Variants in CFAP74 observed in about 807,000 individuals in gnomAD.
The protein encoded by CFAP74 is cilia- and flagella-associated protein 74.
A neutral mutation model predicts 188.9 loss-of-function variants in CFAP74; 124 were observed. The observed-to-expected ratio is 0.66, with a 90% confidence interval of 0.57 to 0.76. The LOEUF is 0.76. Among genes scored for constraint, CFAP74 ranks in the 30% least tolerant of loss-of-function variants. The pLI, the probability that CFAP74 is intolerant of heterozygous loss-of-function variation, is 0.00. For missense variants in CFAP74, 2,198 were observed against 2,165.2 expected (o/e 1.02, Z -0.30); for synonymous variants, 956 against 916.7 (o/e 1.04, Z -0.77).
At chr1:1,994,800 C>A (rs1407717344) in intron 1 of CFAP74, among the ~76,000 whole-genome samples, 3 of 152,178 alleles carry the variant, frequency 2.0e-5, no homozygotes, top group African/African-American at 7.2e-5. Context: ...CAGGCAGCCA[C>A]CTCTGATCTC....
In CFAP74 at chr1:1,946,857, T is replaced by C. The variant is rs532884697; in HGVS notation, c.2241+133A>G. The stretch of plus-strand genomic sequence containing the variant: ...GGCTGCAAGTCCCTGGTGGACAAAG[T>C]CTGGCCTGTCTCTGGTCAAACGCAA... On this transcript the variant is annotated intron_variant, in intron 19 of 38. Transcript: ENST00000682832. 1,319 of 704,122 alleles carry C rather than the reference T, an allele frequency of 1.9e-3. 2 individuals carry two copies. The highest frequency in any genetic ancestry group is 2.9e-3 in the Admixed American group (130 of 44,302). The allele number at this position is 704,122 out of a possible 1,614,324, so 43.6% of individuals were successfully genotyped here.
chr1:1,968,367 G>T lies in CFAP74; in HGVS notation c.1245+268C>A, dbSNP rs1178650059. Among the ~76,000 whole-genome samples the T allele has an allele frequency of 6.6e-6, 1 of 151,932 alleles. No homozygotes were observed. Among genetic ancestry groups the T allele is most frequent in the Non-Finnish European group, 1.5e-5 (1 of 67,960 alleles). The stretch of plus-strand genomic sequence containing the variant: ...AGCAACACTGCTGGGGGTGACGCAG[G>T]GTCTGGTGGGCACACCGAGACCAGG... On this transcript the variant is annotated intron_variant, in intron 11 of 38. Transcript: ENST00000682832. The surrounding 1 kb of genome is among the most constrained non-coding windows in gnomAD (Gnocchi z 4.3).
At chr1:1,949,582 A>G (rs554849803) in intron 18 of CFAP74, among the ~76,000 whole-genome samples, 1 of 151,860 alleles carries the variant, frequency 6.6e-6, no homozygotes, top group Non-Finnish European at 1.5e-5. Flanking sequence ...TGACAGATTC[A>G]TGTGGTTGTA....
intron 20 of CFAP74, among the ~76,000 whole-genome samples, chr1:1,945,964 G>A (rs1441730531): frequency 2.5e-5 from 3 of 119,394 alleles, no homozygotes; most frequent in East Asian, 2.6e-4. Flanking sequence ...GTGTATGTGC[G>A]TTTGTGCGTG....
chr1:1,933,934 G>T (rs1299480719), intron 25 of CFAP74, among the ~76,000 whole-genome samples: 1 of 152,160 alleles, frequency 6.6e-6, no homozygotes, highest in Non-Finnish European at 1.5e-5. Context: ...TTCCCACGAG[G>T]TGCTGCTCTG....
chr1:1,959,274 T>A, intron 15 of CFAP74, 65 bp from the exon 16 acceptor site: 1 of 1,194,436 alleles, frequency 8.4e-7, no homozygotes, highest in Non-Finnish European at 1.2e-6. Context: ...TGTTTTTTTT[T>A]TGGACAGGGT....
In CFAP74 at chr1:1,933,625, G is replaced by A. The variant is rs113228368; in HGVS notation, c.3012-3289C>T. On this transcript the variant is annotated intron_variant, in intron 25 of 38. Coordinates refer to ENST00000682832, the MANE Select transcript of CFAP74 (RefSeq NM_001304360.2). Reference sequence around the variant, plus strand: ...CGCTTTGATATTTGTTAGGGTCTGTGGTGATGTTCCCTTTCGCTCCTGATA... The same window carrying A: ...CGCTTTGATATTTGTTAGGGTCTGTAGTGATGTTCCCTTTCGCTCCTGATA... 2.3e-3 allele frequency among the ~76,000 whole-genome samples: 355 copies of A among 152,258 alleles called. 1 individual carries two copies. The highest frequency in any genetic ancestry group is 8.2e-3 in the African/African-American group (339 of 41,534).
chr1:2,000,962 T>G (rs1435645133), intron 1 of CFAP74, among the ~76,000 whole-genome samples: 1 of 152,144 alleles, frequency 6.6e-6, no homozygotes, highest in Non-Finnish European at 1.5e-5. Flanking sequence ...TTCCCTTCAC[T>G]GTCACAGTAG....
intron 1 of CFAP74, among the ~76,000 whole-genome samples, chr1:1,993,674 A>G (rs1468082199): frequency 1.6e-5 from 1 of 63,200 alleles, no homozygotes; most frequent in Non-Finnish European, 3.5e-5. Flanking sequence ...AATATACAAA[A>G]CAGCTGATGT....
rs1651579340 is a variant in CFAP74, at chr1:1,923,704, T to C, written c.4389+71A>G. Reference sequence around the variant, plus strand: ...CCTCAGGGCCTCCAAAGTGGAGCAGTGCAGCCAAAGGCAAGGCCCTGCGTG... The same window carrying C: ...CCTCAGGGCCTCCAAAGTGGAGCAGCGCAGCCAAAGGCAAGGCCCTGCGTG... On this transcript the variant is annotated intron_variant, in intron 35 of 38. Transcript: ENST00000682832. This position sits in a 1 kb window ranked among gnomAD's most constrained non-coding sequence, Gnocchi z 6.3. 9 of 1,600,536 alleles carry C rather than the reference T, an allele frequency of 5.6e-6. No individual in the cohort carries two copies. The South Asian group carries it at 8.8e-5, about 16-fold the overall frequency.
chr1:1,930,619 C>G (rs1235181073), intron 25 of CFAP74, among the ~76,000 whole-genome samples: 2 of 152,162 alleles, frequency 1.3e-5, no homozygotes, highest in Non-Finnish European at 2.9e-5. Flanking sequence ...TGCAGTGGCA[C>G]TACGACAGCT....
chr1:1,979,953 C>A (rs1034658812), intron 6 of CFAP74, among the ~76,000 whole-genome samples: 4 of 151,320 alleles, frequency 2.6e-5, no homozygotes, highest in Admixed American at 1.3e-4. Flanking sequence ...TGATCGCTCA[C>A]GGCCTGCCTC....
chr1:1,971,331 CTGCACACACG>C (rs1163791447), intron 9 of CFAP74, among the ~76,000 whole-genome samples: 4 of 147,280 alleles, frequency 2.7e-5, no homozygotes, highest in East Asian at 2.4e-4. Context: ...ACTTGCACAC[CTGCACACACG>C]TGCACACACA....
At chr1:1,922,811 C>T in intron 37 of CFAP74, 88 bp from the exon 38 acceptor site, 1 of 1,518,406 alleles carries the variant, frequency 6.6e-7, no homozygotes, top group Non-Finnish European at 8.8e-7. Context: ...CAGCTCCACT[C>T]ACCCTCCCAG....
rs772637442 is a variant in CFAP74 at position 1,964,878 on chromosome 1, G to T, written c.1575+10C>A. On this transcript the variant is annotated intron_variant, in intron 13 of 38. Coordinates refer to ENST00000682832, the MANE Select transcript of CFAP74 (RefSeq NM_001304360.2). ...TGCCCGTCCCGTTCCTGGCCCAGCT[G>T]CGGGCTCACCTGGAAGTGGAGGAGC... is the stretch of plus-strand genomic sequence containing the variant. 2 of 1,613,310 alleles carry T rather than the reference G, an allele frequency of 1.2e-6. No individual in the cohort carries two copies. Among genetic ancestry groups the T allele is most frequent in the South Asian group, 2.2e-5 (2 of 91,086 alleles).
intron 20 of CFAP74, 69 bp from the exon 21 acceptor site, chr1:1,944,521 GAC>G: frequency 6.7e-7 from 1 of 1,491,678 alleles, no homozygotes; most frequent in Non-Finnish European, 9.0e-7. Flanking sequence ...GGTGAGCACT[GAC>G]ACAGCTCCCA....
chr1:1,958,752 TTC>T (rs1426255519), intron 16 of CFAP74, among the ~76,000 whole-genome samples: 1 of 149,998 alleles, frequency 6.7e-6, no homozygotes, highest in African/African-American at 2.5e-5. Context: ...TGTTCTGCTG[TTC>T]TGTTTTCCTC....
At chr1:1,982,205 A>T in intron 6 of CFAP74, among the ~76,000 whole-genome samples, 1 of 151,158 alleles carries the variant, frequency 6.6e-6, no homozygotes, top group East Asian at 2.0e-4. Context: ...CAGGACACCC[A>T]GCCGTGGTCA....
Position 1,938,847 on chromosome 1 carries a change from A to G in CFAP74, c.3011+8T>C. On this transcript the variant is annotated splice_region_variant and intron_variant, in intron 25 of 38. Transcript: ENST00000682832. ...GCCCCCTGCGTCCCCTCTCCCTGGC[A>G]GGCTCACCGGTTGATCTCAGACTTG... 1 of 1,535,772 alleles carries G rather than the reference A, an allele frequency of 6.5e-7. No individual in the cohort carries two copies.
Sources: gnomAD v4.1 joint callset for allele counts (sites outside exome capture counted in the v4.1 genomes callset) on GRCh38, gnomAD v4.1.1 for gene constraint, Gnocchi (gnomAD v3.1) non-coding constraint, MANE v1.5 for transcripts, NCBI Gene and HGNC (gene_info 2026-07-23, HGNC 2026-07-21) for gene names.